The following ASB3 variants were observed in gnomAD, a reference collection of about 807,000 sequenced individuals.
ASB3 encodes ankyrin repeat and SOCS box protein 3.
ASB3 carries 41 observed loss-of-function variants against 54.5 expected under a neutral mutation model. The observed-to-expected ratio is 0.75, with a 90% confidence interval of 0.59 to 0.98. The LOEUF is 0.98. Ranked by LOEUF, ASB3 falls within the 50% of genes least tolerant of loss-of-function variation. The probability of loss-of-function intolerance (pLI) is 0.00; values close to 1 mark genes in which losing one functional copy is unlikely to be tolerated. For synonymous variants in ASB3, 266 were observed against 221.2 expected (o/e 1.20, Z -1.80); for missense variants, 733 against 620.0 (o/e 1.18, Z -1.94).
intron 9 of ASB3, among the ~76,000 whole-genome samples, chr2:53,680,395 G>A (rs913464824): frequency 1.3e-5 from 2 of 151,978 alleles, no homozygotes; most frequent in South Asian, 2.1e-4. Flanking sequence ...ATGCAACCTC[G>A]CCAGCATCTA....
At chr2:53,752,656 C>T (rs1184922708) in intron 2 of ASB3, among the ~76,000 whole-genome samples, 1 of 152,242 alleles carries the variant, frequency 6.6e-6, no homozygotes, top group Admixed American at 6.5e-5. Flanking sequence ...TTGGCTGTCT[C>T]CTCTCTCTAT....
chr2:53,776,552 C>T (rs141184068), intron 1 of ASB3, among the ~76,000 whole-genome samples: 51 of 152,240 alleles, frequency 3.3e-4, no homozygotes, highest in African/African-American at 1.1e-3. Flanking sequence ...TCACACCTGT[C>T]ATCATAGTAC....
At chr2:53,771,520 T>A (rs998868869) in intron 1 of ASB3, among the ~76,000 whole-genome samples, 36 of 151,930 alleles carry the variant, frequency 2.4e-4, no homozygotes, top group African/African-American at 8.0e-4. Flanking sequence ...TCTCAAAAAA[T>A]AAATAAATAA....
intron 9 of ASB3, among the ~76,000 whole-genome samples, chr2:53,682,588 T>C (rs1055348289): frequency 3.3e-5 from 5 of 152,144 alleles, no homozygotes; most frequent in African/African-American, 9.7e-5. Flanking sequence ...GTGATTCTCC[T>C]GCCTCAACCT....
At chr2:53,699,430 C>T (rs997566643) in intron 8 of ASB3, among the ~76,000 whole-genome samples, 2 of 152,118 alleles carry the variant, frequency 1.3e-5, no homozygotes, top group Admixed American at 6.5e-5. Context: ...AAGTACTGGG[C>T]AAGTCATATC....
chr2:53,714,052 T>G (rs531156588), intron 7 of ASB3, among the ~76,000 whole-genome samples: 71 of 152,340 alleles, frequency 4.7e-4, no homozygotes, highest in African/African-American at 1.1e-3. Context: ...ACTGCCTTAC[T>G]TGATAAAGCC....
intron 3 of ASB3, among the ~76,000 whole-genome samples, chr2:53,739,971 G>T (rs546341660): frequency 6.6e-6 from 1 of 152,292 alleles, no homozygotes; most frequent in South Asian, 2.1e-4. Context: ...ACCACACCCA[G>T]CCTAGTCTTT....
rs751976992 is a variant in ASB3, at chr2:53,729,417, C to A, written c.468+41G>T. The A allele has an allele frequency of 3.1e-5, 50 of 1,603,686 alleles. 1 individual carries two copies. The highest frequency in any genetic ancestry group is 2.3e-4 in the South Asian group (21 of 90,596). ...ACTGTCATTTTAAGAGGGTAAAACA[C>A]ACAATTTACATGGAAATGAAATAAT... On this transcript the variant is annotated intron_variant, in intron 4 of 9. Transcript: ENST00000263634.
rs1052245885 is a variant in ASB3 at position 53,761,094 on chromosome 2, G to A, written c.196+4283C>T. 2.0e-5 allele frequency among the ~76,000 whole-genome samples: 3 copies of A among 152,118 alleles called. No homozygotes were observed. In the South Asian group the frequency reaches 6.2e-4, roughly 32 times the overall value. ...AGCACTTGGGTTTTACTGTTGAGAG[G>A]GGGGACTGAGAGACAGGACTAGCTG... On this transcript the variant is annotated intron_variant, in intron 2 of 9. Transcript: ENST00000263634.
At position 53,716,749 on chromosome 2, in the gene ASB3, G is replaced by A. The variant is rs754209970; in HGVS notation, c.605-6C>T. 62 of 1,604,194 alleles carry A rather than the reference G, an allele frequency of 3.9e-5. No individual in the cohort carries two copies. The South Asian group carries it at 6.4e-4, about 17-fold the overall frequency. On this transcript the variant is annotated splice_polypyrimidine_tract_variant and splice_region_variant and intron_variant, in intron 5 of 9. Transcript: ENST00000263634. The stretch of plus-strand genomic sequence containing the variant: ...TTGACAATTGACATTTGCACCTAAG[G>A]GTACAAAATAAAACATTTAACAGAT...
intron 1 of ASB3, among the ~76,000 whole-genome samples, chr2:53,769,085 A>G (rs899792387): frequency 6.6e-6 from 1 of 152,246 alleles, no homozygotes; most frequent in African/African-American, 2.4e-5. Context: ...CAGTGACCTG[A>G]AAAGGGGCAA....
rs552202383 is a variant in ASB3, at chr2:53,723,658, G to T, written c.604+5054C>A. On this transcript the variant is annotated intron_variant, in intron 5 of 9. Transcript: ENST00000263634. Reference sequence around the variant, plus strand: ...CCAAGCAAAAAGAATAAAGCTGGAGGTATCACATTACCCAATTTCAAACTC... The same window carrying T: ...CCAAGCAAAAAGAATAAAGCTGGAGTTATCACATTACCCAATTTCAAACTC... Among the ~76,000 whole-genome samples, 21 of 152,258 alleles carry T rather than the reference G, an allele frequency of 1.4e-4. No individual in the cohort carries two copies. The South Asian group carries it at 4.1e-3, about 30-fold the overall frequency.
intron 3 of ASB3, chr2:53,748,137 A>T (rs1672327492): frequency 6.6e-6 from 1 of 152,210 alleles, no homozygotes; most frequent in Admixed American, 6.5e-5. Context: ...TGCTTCATGT[A>T]AAACACCCAC....
chr2:53,766,962 G>C (rs973478678), intron 1 of ASB3, among the ~76,000 whole-genome samples: 3 of 152,182 alleles, frequency 2.0e-5, no homozygotes, highest in Non-Finnish European at 4.4e-5. Flanking sequence ...ACACAGCCAT[G>C]ATAGTCCAAG....
At chr2:53,679,614 T>C (rs1324510274) in intron 9 of ASB3, among the ~76,000 whole-genome samples, 2 of 152,220 alleles carry the variant, frequency 1.3e-5, no homozygotes, top group African/African-American at 4.8e-5. Flanking sequence ...TGAGACCCTC[T>C]TGATCTATAA....
intron 3 of ASB3, among the ~76,000 whole-genome samples, chr2:53,748,994 T>C (rs1294559137): frequency 6.6e-6 from 1 of 152,100 alleles, no homozygotes. Flanking sequence ...TGTCTACCAC[T>C]TAATCTCAAA....
chr2:53,765,230 C>T lies in ASB3; in HGVS notation c.196+147G>A, dbSNP rs926461081. 6 of 1,183,744 alleles carry T rather than the reference C, an allele frequency of 5.1e-6. No individual in the cohort carries two copies. The Admixed American group carries it at 1.1e-4, about 21-fold the overall frequency. 73.3% of individuals were successfully genotyped at this position (1,183,744 alleles called of 1,614,324 possible). The stretch of plus-strand genomic sequence containing the variant: ...ATTGAATCCAAGGCAGGCAATCTTA[C>T]TATCCTTAATAAATAAATTCAGGCA... On this transcript the variant is annotated intron_variant, in intron 2 of 9. Transcript: ENST00000263634.
intron 5 of ASB3, among the ~76,000 whole-genome samples, chr2:53,721,344 C>G (rs558475962): frequency 7.4e-6 from 1 of 135,102 alleles, no homozygotes; most frequent in East Asian, 2.2e-4. Context: ...TGCCTGAGCT[C>G]AAGAGTTCGA....
chr2:53,741,172 A>T (rs1359552740), intron 3 of ASB3, among the ~76,000 whole-genome samples: 1 of 152,216 alleles, frequency 6.6e-6, no homozygotes, highest in Non-Finnish European at 1.5e-5. Flanking sequence ...AGTCCTATTT[A>T]TGTAGGAGCA....
Sources: gnomAD v4.1 joint callset for allele counts (sites outside exome capture counted in the v4.1 genomes callset) on GRCh38, gnomAD v4.1.1 for gene constraint, MANE v1.5 for transcripts, NCBI Gene and HGNC (gene_info 2026-07-23, HGNC 2026-07-21) for gene names.